AXDND1: variants seen among roughly 807,000 people sequenced by gnomAD.
AXDND1 encodes the protein axonemal dynein light chain domain containing 1, also known as axonemal dynein light chain domain-containing protein 1.
In AXDND1, 110 loss-of-function variants were observed where a neutral mutation model predicts 137.5. That is an observed-to-expected ratio of 0.80 (90% confidence interval 0.69 to 0.94). The LOEUF is 0.94. AXDND1 is among the 40% of genes least tolerant of loss of function. The pLI is 0.00. For missense variants in AXDND1, 1,191 were observed against 1,169.8 expected (o/e 1.02, Z -0.26); for synonymous variants, 414 against 399.7 (o/e 1.04, Z -0.43).
chr1:179,427,328 A>G (rs956688751), intron 12 of AXDND1, among the ~76,000 whole-genome samples: 30 of 152,104 alleles, frequency 2.0e-4, no homozygotes, highest in African/African-American at 7.2e-4. Flanking sequence ...TTTGAAATTT[A>G]CTTTATACTT....
intron 16 of AXDND1, chr1:179,447,925 G>A (rs534581697): frequency 1.0e-5 from 14 of 1,370,078 alleles, no homozygotes; most frequent in South Asian, 3.5e-5. Context: ...TGGAGAGAGC[G>A]TGTTTAAATC....
intron 16 of AXDND1, among the ~76,000 whole-genome samples, chr1:179,460,081 T>C (rs1662094656): frequency 6.6e-6 from 1 of 151,584 alleles, no homozygotes; most frequent in South Asian, 2.1e-4. Flanking sequence ...CTAGGGTACA[T>C]GTGCACAACG....
intron 11 of AXDND1, among the ~76,000 whole-genome samples, chr1:179,410,800 T>C (rs991625068): frequency 1.1e-4 from 16 of 152,326 alleles, no homozygotes; most frequent in African/African-American, 3.8e-4. Context: ...ACTTGTATGC[T>C]GAATTTTTCA....
chr1:179,410,323 C>G (rs184762141), intron 11 of AXDND1, among the ~76,000 whole-genome samples: 2 of 152,158 alleles, frequency 1.3e-5, no homozygotes, highest in African/African-American at 2.4e-5. Context: ...CTCTGCCCCC[C>G]AGGTTCAAGC....
intron 16 of AXDND1, chr1:179,455,646 ATG>A (rs1287924887): frequency 6.6e-6 from 1 of 152,186 alleles, no homozygotes; most frequent in East Asian, 1.9e-4. Flanking sequence ...ATACTAGTAT[ATG>A]TGTTAGTTAA....
At chr1:179,412,532 C>G (rs916569722) in intron 12 of AXDND1, among the ~76,000 whole-genome samples, 2 of 151,910 alleles carry the variant, frequency 1.3e-5, no homozygotes, top group African/African-American at 4.8e-5. Context: ...GTCAAGTGTC[C>G]TAAAGCTAGA....
chr1:179,470,188 T>C (rs374136247), intron 17 of AXDND1, among the ~76,000 whole-genome samples: 14 of 152,322 alleles, frequency 9.2e-5, no homozygotes, highest in African/African-American at 3.4e-4. Flanking sequence ...CTTGTGTCAG[T>C]AACACACTGT....
intron 15 of AXDND1, among the ~76,000 whole-genome samples, chr1:179,433,094 G>A (rs376274389): frequency 7.9e-5 from 12 of 152,162 alleles, no homozygotes; most frequent in South Asian, 6.2e-4. Flanking sequence ...TACTGGTTTC[G>A]TCTTGGGAGG....
At chr1:179,551,933 C>T (rs1673343190) in intron 25 of AXDND1, 1 of 174,510 alleles carries the variant, frequency 5.7e-6, no homozygotes, top group African/African-American at 2.4e-5. Flanking sequence ...GACTATCCTC[C>T]TCCCCTTCCT....
At chr1:179,528,071 T>C (rs1670706989) in intron 22 of AXDND1, among the ~76,000 whole-genome samples, 1 of 152,236 alleles carries the variant, frequency 6.6e-6, no homozygotes, top group Non-Finnish European at 1.5e-5. Flanking sequence ...TCTCCTATAG[T>C]ACTGTCAGTT....
At chr1:179,395,257 T>C (rs1452898459) in intron 11 of AXDND1, 55 bp downstream of exon 11, 28 of 1,307,748 alleles carry the variant, frequency 2.1e-5, no homozygotes, top group Non-Finnish European at 3.0e-5. Flanking sequence ...GAAGCTTATA[T>C]AGCTTCTGAA....
At chr1:179,535,181 G>T in intron 25 of AXDND1, 2 of 594,740 alleles carry the variant, frequency 3.4e-6, no homozygotes, top group East Asian at 3.6e-5. Context: ...GAATAAAGTA[G>T]CTCAGATACA....
intron 12 of AXDND1, among the ~76,000 whole-genome samples, chr1:179,416,280 A>G (rs1487664222): frequency 6.6e-6 from 1 of 152,182 alleles, no homozygotes; most frequent in Non-Finnish European, 1.5e-5. Context: ...ATTATTTTTC[A>G]GTGGCTGAAT....
In AXDND1 at chr1:179,385,254, A is replaced by G. The variant is rs556255231; in HGVS notation, c.758A>G (p.His253Arg). 3.7e-6 allele frequency: 6 copies of G among 1,610,166 alleles called. No individual in the cohort carries two copies. Among genetic ancestry groups the G allele is most frequent in the Admixed American group, 1.7e-5 (1 of 60,004 alleles). ...TGPTKMHKLL[H>R]ILKKEQTIYN... ...TTCTGACAGATGCACAAACTACTACATATATTGAAGAAGGAACAGACCATT... is the reference window on the plus strand; with the variant it reads ...TTCTGACAGATGCACAAACTACTACGTATATTGAAGAAGGAACAGACCATT... The change falls in exon 9 of 26, where the codon CAT (histidine) becomes CGT (arginine). Residue 253 changes from histidine (H) to arginine (R), a missense_variant. His to Arg is a conservative substitution (Grantham distance 29). Coordinates refer to ENST00000367618, the MANE Select transcript of AXDND1 (RefSeq NM_144696.6).
intron 17 of AXDND1, among the ~76,000 whole-genome samples, chr1:179,482,580 C>T (rs1398242000): frequency 6.6e-6 from 1 of 152,094 alleles, no homozygotes; most frequent in East Asian, 1.9e-4. Flanking sequence ...GAGGAAGGAG[C>T]AGTCATGGTT....
intron 17 of AXDND1, among the ~76,000 whole-genome samples, chr1:179,474,017 C>T (rs12750991): frequency 1.3e-5 from 2 of 151,708 alleles, no homozygotes; most frequent in African/African-American, 2.4e-5. Context: ...TGAGGTCAGG[C>T]GTTTGACACC....
At chr1:179,408,968 C>CTTTTTTTTTTTTTTT (rs74384865) in intron 11 of AXDND1, among the ~76,000 whole-genome samples, 19 of 126,390 alleles carry the variant, frequency 1.5e-4, no homozygotes, top group African/African-American at 2.2e-4. Flanking sequence ...TTTTTTCTTT[C>CTTTTTTTTTTTTTTT]TTTTTTTTTT....
At chr1:179,413,527 C>G in intron 12 of AXDND1, among the ~76,000 whole-genome samples, 1 of 152,208 alleles carries the variant, frequency 6.6e-6, no homozygotes, top group East Asian at 1.9e-4. Flanking sequence ...AGTTTTTTCA[C>G]TTAAGATAAT....
At chr1:179,447,591 A>G (rs1479197374) in intron 16 of AXDND1, 4 of 1,084,540 alleles carry the variant, frequency 3.7e-6, no homozygotes, top group East Asian at 2.5e-5. Flanking sequence ...GAAAGGTTCA[A>G]CTTACTAGTG....
Sources: gnomAD v4.1 joint callset for allele counts (sites outside exome capture counted in the v4.1 genomes callset) on GRCh38, gnomAD v4.1.1 for gene constraint, MANE v1.5 for transcripts, NCBI Gene and HGNC (gene_info 2026-07-23, HGNC 2026-07-21) for gene names.